CCDC171: variants seen among roughly 807,000 people sequenced by gnomAD.
CCDC171 encodes the protein coiled-coil domain containing 171.
In CCDC171, 177 loss-of-function variants were observed where a neutral mutation model predicts 168.2. The ratio of observed to expected loss-of-function variants is 1.05; its 90% CI spans 0.93 to 1.19. The LOEUF is 1.19. Among genes scored for constraint, CCDC171 ranks in the 50% most tolerant of loss-of-function variants. The pLI is 0.00. For synonymous variants in CCDC171, 687 were observed against 540.8 expected (o/e 1.27, Z -3.75); for missense variants, 1,991 against 1,539.0 (o/e 1.29, Z -4.91).
intron 25 of CCDC171, among the ~76,000 whole-genome samples, chr9:15,941,190 T>G (rs1827685998): frequency 6.6e-6 from 1 of 152,018 alleles, no homozygotes; most frequent in Non-Finnish European, 1.5e-5. Flanking sequence ...AGTTTCTATT[T>G]TTTAGAATAA....
intron 21 of CCDC171, among the ~76,000 whole-genome samples, chr9:15,810,625 C>T (rs932526314): frequency 6.6e-5 from 10 of 152,150 alleles, no homozygotes; most frequent in African/African-American, 2.4e-4. Context: ...TCTGGTGCAC[C>T]CTCCGCAGCT....
At chr9:15,848,367 G>A (rs1563863832) in intron 22 of CCDC171, among the ~76,000 whole-genome samples, 1 of 151,838 alleles carries the variant, frequency 6.6e-6, no homozygotes, top group African/African-American at 2.4e-5. Context: ...GGAGAAACTA[G>A]TAACTTTGCA....
chr9:15,772,851 G>A (rs150265989), intron 18 of CCDC171, among the ~76,000 whole-genome samples: 1,826 of 152,212 alleles, frequency 0.012, 30 homozygotes, highest in Non-Finnish European at 0.013. Context: ...GGAATAAATT[G>A]GAGAAATACT....
At chr9:15,698,891 T>G (rs1267019831) in intron 11 of CCDC171, among the ~76,000 whole-genome samples, 1 of 152,206 alleles carries the variant, frequency 6.6e-6, no homozygotes, top group Non-Finnish European at 1.5e-5. Context: ...GCTAGACACT[T>G]AGGTTGATTC....
chr9:15,641,227 TGAG>T (rs758446145), intron 7 of CCDC171, among the ~76,000 whole-genome samples: 5 of 152,168 alleles, frequency 3.3e-5, no homozygotes, highest in Non-Finnish European at 7.4e-5. Flanking sequence ...GTGCAACTAA[TGAG>T]GAAACTAACA....
chr9:15,928,981 C>T (rs1826200145), intron 25 of CCDC171, among the ~76,000 whole-genome samples: 1 of 151,256 alleles, frequency 6.6e-6, no homozygotes, highest in Admixed American at 6.6e-5. Flanking sequence ...GGTGACTAAC[C>T]CAAATCCTGA....
chr9:15,679,251 T>G (rs1408148505), intron 10 of CCDC171, among the ~76,000 whole-genome samples: 2 of 152,208 alleles, frequency 1.3e-5, no homozygotes, highest in Non-Finnish European at 2.9e-5. Context: ...GACTTCCTTT[T>G]GTAATTGTTT....
At chr9:15,559,482 T>C (rs1032751486) in intron 1 of CCDC171, among the ~76,000 whole-genome samples, 1 of 152,328 alleles carries the variant, frequency 6.6e-6, no homozygotes, top group Middle Eastern at 3.4e-3. Flanking sequence ...TTTACCATTA[T>C]GTAATGGCCT....
intron 9 of CCDC171, among the ~76,000 whole-genome samples, chr9:15,676,207 G>T (rs746196991): frequency 3.9e-5 from 6 of 152,072 alleles, no homozygotes; most frequent in Non-Finnish European, 8.8e-5. Flanking sequence ...TTCTCGTGCT[G>T]TGTTTTTCAG....
intron 1 of CCDC171, among the ~76,000 whole-genome samples, chr9:16,054,747 C>G (rs1242097866): frequency 6.6e-6 from 1 of 152,224 alleles, no homozygotes; most frequent in Non-Finnish European, 1.5e-5. Flanking sequence ...GAAAGGATCA[C>G]TGCAGGTCAG....
chr9:15,581,188 CA>C (rs2041084594), intron 4 of CCDC171, among the ~76,000 whole-genome samples: 1 of 152,110 alleles, frequency 6.6e-6, no homozygotes, highest in South Asian at 2.1e-4. Context: ...ACAATTGCTA[CA>C]AACAGAATAA....
intron 2 of CCDC171, among the ~76,000 whole-genome samples, chr9:15,569,684 G>A (rs947039179): frequency 2.0e-5 from 3 of 151,384 alleles, no homozygotes; most frequent in African/African-American, 2.4e-5. Context: ...GCGTGGTGGC[G>A]GGCGCCTGTA....
intron 25 of CCDC171, among the ~76,000 whole-genome samples, chr9:15,957,001 TG>T (rs1829860522): frequency 4.6e-5 from 7 of 151,012 alleles, no homozygotes; most frequent in African/African-American, 1.7e-4. Context: ...AGAACTGACT[TG>T]AAATTTAACT....
At chr9:15,827,478 A>T (rs2060060942) in intron 21 of CCDC171, among the ~76,000 whole-genome samples, 1 of 152,194 alleles carries the variant, frequency 6.6e-6, no homozygotes, top group South Asian at 2.1e-4. Flanking sequence ...GCTTTCTAAA[A>T]TGGAAGTTTG....
chr9:15,738,550 A>G (rs2054637656), intron 16 of CCDC171, among the ~76,000 whole-genome samples: 1 of 152,186 alleles, frequency 6.6e-6, no homozygotes, highest in Non-Finnish European at 1.5e-5. Flanking sequence ...TTTGTCCCAT[A>G]TGAAAGCGAT....
intron 3 of CCDC171, among the ~76,000 whole-genome samples, chr9:16,002,490 G>A (rs140462933): frequency 1.2e-4 from 18 of 152,198 alleles, no homozygotes; most frequent in Non-Finnish European, 1.5e-5. Flanking sequence ...TTGTACAACT[G>A]TACGTTGTGT....
intron 3 of CCDC171, among the ~76,000 whole-genome samples, chr9:15,988,360 A>G (rs2382542): frequency 0.5 from 75,259 of 152,006 alleles, 20,026 homozygotes; most frequent in African/African-American, 0.71. Context: ...ATGCTGCACG[A>G]CTTTTTAAAA....
At chr9:15,903,346 T>A (rs2987048) in intron 24 of CCDC171, among the ~76,000 whole-genome samples, 1 of 151,962 alleles carries the variant, frequency 6.6e-6, no homozygotes, top group African/African-American at 2.4e-5. Context: ...TCCAGAGGAA[T>A]GATCAGGCGG....
intron 16 of CCDC171, among the ~76,000 whole-genome samples, chr9:15,735,456 A>G (rs2054433423): frequency 6.6e-6 from 1 of 152,186 alleles, no homozygotes; most frequent in African/African-American, 2.4e-5. Context: ...CTGTCAGTTA[A>G]TTAAGGGTTA....
Sources: allele counts gnomAD v4.1 joint callset (sites outside exome capture counted in the v4.1 genomes callset), GRCh38; gene constraint gnomAD v4.1.1; transcripts MANE v1.5; gene names NCBI Gene and HGNC (gene_info 2026-07-23, HGNC 2026-07-21).